Variants in ZMIZ2 observed in about 807,000 individuals in gnomAD.
The protein encoded by ZMIZ2 is zinc finger MIZ domain-containing protein 2.
Under a neutral mutation model 93.9 loss-of-function variants are expected in ZMIZ2, and 26 were observed. The observed-to-expected ratio is 0.28, with a 90% CI of 0.20 to 0.38. ZMIZ2 has a LOEUF of 0.38. Among genes scored for constraint, ZMIZ2 ranks in the 10% least tolerant of loss-of-function variants. The pLI is 1.00. For synonymous variants in ZMIZ2, 485 were observed against 516.4 expected, an observed-to-expected ratio of 0.94 and a Z score of 0.82; for missense variants, 1,023 against 1,235.0, an observed-to-expected ratio of 0.83 and a Z score of 2.57.
rs552285074 is a variant in ZMIZ2 at position 44,763,305 on chromosome 7, C to T, written c.1752C>T (p.Asn584=). ...SGTIPGTPGP[N]GEDGVEQTAI... ...CCATCCCTGGCACCCCTGGGCCCAA[C>T]GGAGAGGACGGGGTGGAGCAGACAG... Residue 584 remains asparagine (N), a synonymous_variant, in exon 13 of 19, where the codon AAC becomes AAT. Transcript: ENST00000309315. This position sits in a 1 kb window ranked among gnomAD's most constrained non-coding sequence, Gnocchi z 5.6. 6 of 1,614,096 alleles carry T rather than the reference C, an allele frequency of 3.7e-6. No homozygotes were observed. In the African/African-American group the frequency reaches 5.3e-5, roughly 14 times the overall value.
chr7:44,759,095 A>C (rs1220806021), intron 6 of ZMIZ2, among the ~76,000 whole-genome samples, 186 bp from the exon 7 acceptor site: 2 of 147,344 alleles, frequency 1.4e-5, no homozygotes, highest in African/African-American at 2.5e-5. Flanking sequence ...AAAAAAAAAA[A>C]AAAAAAAAAA....
chr7:44,752,421 G>A (rs1790233290), intron 1 of ZMIZ2, among the ~76,000 whole-genome samples: 1 of 152,086 alleles, frequency 6.6e-6, no homozygotes, highest in Admixed American at 6.6e-5. Flanking sequence ...GGGATTACAG[G>A]CGTGAGCCAC....
chr7:44,767,963 A>C lies in ZMIZ2; in HGVS notation c.*340A>C, dbSNP rs1583668158. 3.2e-5 allele frequency: 11 copies of C among 344,738 alleles called. No homozygotes were observed. The highest frequency in any genetic ancestry group is 1.2e-4 in the South Asian group (4 of 34,336). 21.4% of individuals were successfully genotyped at this position (344,738 alleles called of 1,614,324 possible). A position where few individuals can be genotyped will look rare whatever the true frequency, so the allele number is the denominator to read the frequency against. Reference sequence around the variant, plus strand: ...TCACAGCCTCACACCTTGTCCTTCCACCCCTGCCTGCCCCCACCCAGCCTG... The same window carrying C: ...TCACAGCCTCACACCTTGTCCTTCCCCCCCTGCCTGCCCCCACCCAGCCTG... On this transcript the variant is annotated 3_prime_UTR_variant, in exon 19 of 19. Coordinates refer to ENST00000309315, the MANE Select transcript of ZMIZ2 (RefSeq NM_031449.4).
At position 44,760,568 on chromosome 7, in the gene ZMIZ2, C is replaced by T; in HGVS notation, c.1215C>T (p.Leu405=). Residue 405 remains leucine, a synonymous_variant, in exon 9 of 19, where the codon CTC becomes CTT. Coordinates refer to ENST00000309315, the MANE Select transcript of ZMIZ2 (RefSeq NM_031449.4). ...SPFLPDLKPN[L]NSLHSSPSGS... ...TCTTGCCTGATCTCAAGCCCAACCT[C>T]AACTCCTTGCACTCATCGCCCTCTG... is the stretch of plus-strand genomic sequence containing the variant. The T allele has an allele frequency of 6.2e-7, 1 of 1,614,078 alleles. No individual in the cohort carries two copies. The highest frequency in any genetic ancestry group is 8.5e-7 in the Non-Finnish European group (1 of 1,180,018).
intron 1 of ZMIZ2, 97 bp downstream of exon 1, chr7:44,749,088 T>TGCGG (rs1257581785): frequency 6.6e-6 from 1 of 151,436 alleles, no homozygotes; most frequent in African/African-American, 2.4e-5. Flanking sequence ...GGCCGGCAGG[T>TGCGG]GCGGGCGGGC....
chr7:44,754,348 G>C (rs1165274265), intron 1 of ZMIZ2, among the ~76,000 whole-genome samples: 1 of 152,172 alleles, frequency 6.6e-6, no homozygotes, highest in Non-Finnish European at 1.5e-5. Flanking sequence ...GACTTGGTCT[G>C]GGGGAGCAAG....
chr7:44,761,767 G>A lies in ZMIZ2; in HGVS notation c.1458G>A (p.Ser486=), dbSNP rs773789616. 8.1e-6 allele frequency: 13 copies of A among 1,613,882 alleles called. 1 individual carries two copies. Among genetic ancestry groups the A allele is most frequent in the South Asian group, 5.5e-5 (5 of 91,064 alleles). ...AGATGAACACCAACTGGCCAGCCTCGGTGCAGGTCAGCGTCAATGCCACGC... is the reference window on the plus strand; with the variant it reads ...AGATGAACACCAACTGGCCAGCCTCAGTGCAGGTCAGCGTCAATGCCACGC... ...DRQMNTNWPA[S]VQVSVNATPL... is the part of the protein sequence containing the mutation. Residue 486 remains serine, a synonymous_variant, in exon 11 of 19, where the codon TCG becomes TCA. Coordinates refer to ENST00000309315, the MANE Select transcript of ZMIZ2 (RefSeq NM_031449.4). This position sits in a 1 kb window ranked among gnomAD's most constrained non-coding sequence, Gnocchi z 5.8.
In ZMIZ2 at chr7:44,765,351, A is replaced by G; in HGVS notation, c.2014A>G (p.Ile672Val). Reference sequence around the variant, plus strand: ...CCTGCCCAGCTCTGACTATGAGGAGATCACCATCGACCCCACGTGCAGCTG... The same window carrying G: ...CCTGCCCAGCTCTGACTATGAGGAGGTCACCATCGACCCCACGTGCAGCTG... ...IYIQNSDYEE[I>V]TIDPTCSWKP... The change falls in exon 16 of 19, where the codon ATC becomes GTC. Residue 672 changes from isoleucine to valine, a missense_variant. Physicochemically the swap from Ile to Val is conservative, Grantham distance 29. Coordinates refer to ENST00000309315, the MANE Select transcript of ZMIZ2 (RefSeq NM_031449.4). This position sits in a 1 kb window ranked among gnomAD's most constrained non-coding sequence, Gnocchi z 4.1. 1 of 1,613,470 alleles carries G rather than the reference A, an allele frequency of 6.2e-7. No homozygotes were observed. The highest frequency in any genetic ancestry group is 8.5e-7 in the Non-Finnish European group (1 of 1,180,012).
At chr7:44,759,525 T>TG (rs1457052814) in intron 7 of ZMIZ2, 65 bp downstream of exon 7, 28 of 1,264,142 alleles carry the variant, frequency 2.2e-5, no homozygotes, top group Non-Finnish European at 2.8e-5. Flanking sequence ...CAGGGGACCT[T>TG]GGGGCAGTCC....
At position 44,761,563 on chromosome 7, in the gene ZMIZ2, G is replaced by A. The variant is rs765810289; in HGVS notation, c.1355G>A (p.Arg452Gln). 1.9e-5 allele frequency: 30 copies of A among 1,613,950 alleles called. No individual in the cohort carries two copies. The highest frequency in any genetic ancestry group is 1.6e-4 in the Middle Eastern group (1 of 6,084). Reference sequence around the variant, plus strand: ...GTAAGCAACCATGTCTTCCAGCTGCGAGACTCAGTCTACAAGACCCTGATA... The same window carrying A: ...GTAAGCAACCATGTCTTCCAGCTGCAAGACTCAGTCTACAAGACCCTGATA... ...LAVSNHVFQL[R>Q]DSVYKTLIMR... is the part of the protein sequence containing the mutation. The change falls in exon 10 of 19, where the codon CGA becomes CAA. Residue 452 changes from arginine (R) to glutamine (Q), a missense_variant. Arg to Gln is a conservative substitution (Grantham distance 43). Transcript: ENST00000309315. This position sits in a 1 kb window ranked among gnomAD's most constrained non-coding sequence, Gnocchi z 5.8.
intron 11 of ZMIZ2, among the ~76,000 whole-genome samples, chr7:44,762,456 G>T (rs1395510927): frequency 2.0e-5 from 3 of 152,226 alleles, no homozygotes; most frequent in Admixed American, 2.0e-4. Flanking sequence ...GTCAGCCTGG[G>T]CATGAGGGCC....
chr7:44,761,924 G>A lies in ZMIZ2; in HGVS notation c.1596+19G>A. On this transcript the variant is annotated intron_variant, in intron 11 of 18. Transcript: ENST00000309315. This position sits in a 1 kb window ranked among gnomAD's most constrained non-coding sequence, Gnocchi z 5.8. ...CTGCTGCGTGCGTGTCCTGCGCCGAGGGGGCGGTGCTGTGGCGTGGGGCGG... is the reference window on the plus strand; with the variant it reads ...CTGCTGCGTGCGTGTCCTGCGCCGAAGGGGCGGTGCTGTGGCGTGGGGCGG... 6.2e-7 allele frequency: 1 copy of A among 1,606,226 alleles called. No individual in the cohort carries two copies. Among genetic ancestry groups the A allele is most frequent in the Non-Finnish European group, 8.5e-7 (1 of 1,178,568 alleles).
chr7:44,757,611 G>T, intron 5 of ZMIZ2, 50 bp downstream of exon 5: 1 of 1,539,252 alleles, frequency 6.5e-7, no homozygotes, highest in South Asian at 1.2e-5. Flanking sequence ...CTGAGGGCCT[G>T]GGAGGAGGTA....
intron 3 of ZMIZ2, 23 bp downstream of exon 3, chr7:44,756,562 C>T (rs755700642): frequency 5.0e-6 from 8 of 1,611,640 alleles, no homozygotes; most frequent in Non-Finnish European, 6.8e-6. Context: ...TGGTGCCCCA[C>T]CCCCGAGCAG....
In ZMIZ2 at chr7:44,766,847, TACC is replaced by T. The variant is rs1192854514; in HGVS notation, c.2655+187_2655+189del. 3.9e-5 allele frequency among the ~76,000 whole-genome samples: 6 copies of T among 152,192 alleles called. No individual in the cohort carries two copies. The highest frequency in any genetic ancestry group is 1.2e-4 in the African/African-American group (5 of 41,456). ...GAGTAGCTGCGGGTGGGATGCGATGTACCACATTTGTGTTCATGAGGGGCCTGG... is the reference window on the plus strand; with the variant it reads ...GAGTAGCTGCGGGTGGGATGCGATGTACATTTGTGTTCATGAGGGGCCTGG... On this transcript the variant is annotated intron_variant, in intron 18 of 18. Transcript: ENST00000309315. This position sits in a 1 kb window ranked among gnomAD's most constrained non-coding sequence, Gnocchi z 4.4.
Position 44,766,453 on chromosome 7 carries a change from C to A in ZMIZ2, c.2445C>A (p.His815Gln). 1 of 1,614,178 alleles carries A rather than the reference C, an allele frequency of 6.2e-7. No homozygotes were observed. The highest frequency in any genetic ancestry group is 8.5e-7 in the Non-Finnish European group (1 of 1,180,034). ...MAPAGHLDPT[H>Q]NPGTPGLHTS... ...CAGCAGGTCACCTGGACCCCACTCA[C>A]AATCCTGGGACACCAGGACTACACA... is the stretch of plus-strand genomic sequence containing the variant. Residue 815 changes from histidine to glutamine, a missense_variant, in exon 18 of 19, where the codon CAC becomes CAA. Physicochemically the swap from His to Gln is conservative, Grantham distance 24 (BLOSUM62 0). Transcript: ENST00000309315. The surrounding 1 kb of genome is among the most constrained non-coding windows in gnomAD (Gnocchi z 4.4).
At position 44,765,084 on chromosome 7, in the gene ZMIZ2, C is replaced by A; in HGVS notation, c.1997+75C>A. ...GCCCCAGGACATGTCGGGGGATGTCCCTTGCCAAGTGCAGCCTTCCAGCCT... is the reference window on the plus strand; with the variant it reads ...GCCCCAGGACATGTCGGGGGATGTCACTTGCCAAGTGCAGCCTTCCAGCCT... On this transcript the variant is annotated intron_variant, in intron 15 of 18. Transcript: ENST00000309315. The surrounding 1 kb of genome is among the most constrained non-coding windows in gnomAD (Gnocchi z 4.1). The A allele has an allele frequency of 6.3e-7, 1 of 1,583,842 alleles. No homozygotes were observed. Among genetic ancestry groups the A allele is most frequent in the South Asian group, 1.1e-5 (1 of 89,824 alleles).
chr7:44,765,527 T>TGCA lies in ZMIZ2; in HGVS notation c.2192_2193insAGC (p.Ala731dup). The TGCA allele has an allele frequency of 1.3e-6, 2 of 1,527,052 alleles. No homozygotes were observed. The highest frequency in any genetic ancestry group is 8.8e-7 in the Non-Finnish European group (1 of 1,137,722). The allele number at this position is 1,527,052 out of a possible 1,614,324, so 94.6% of individuals were successfully genotyped here. A position where few individuals can be genotyped will look rare whatever the true frequency, so the allele number is the denominator to read the frequency against. On this transcript the variant is annotated inframe_insertion, in exon 16 of 19. Transcript: ENST00000309315. The surrounding 1 kb of genome is among the most constrained non-coding windows in gnomAD (Gnocchi z 4.1). ...CCCTGGGCCCCGGCGCTGCCCCCTT[T>TGCA]GCCCCCCTGCAGCCCCCCTCAGTCC...
intron 1 of ZMIZ2, among the ~76,000 whole-genome samples, chr7:44,749,216 G>T (rs1789914509): frequency 6.6e-6 from 1 of 152,168 alleles, no homozygotes; most frequent in Non-Finnish European, 1.5e-5. Flanking sequence ...TGCCACGCGT[G>T]CGTCGTGGTC....
Sources: allele counts gnomAD v4.1 joint callset (sites outside exome capture counted in the v4.1 genomes callset), GRCh38; gene constraint gnomAD v4.1.1; non-coding constraint Gnocchi (gnomAD v3.1); transcripts MANE v1.5; gene names NCBI Gene and HGNC (gene_info 2026-07-23, HGNC 2026-07-21).